DMD: variants seen among roughly 807,000 people sequenced by gnomAD.
DMD encodes mutant dystrophin.
Under a neutral mutation model 330.1 loss-of-function variants are expected in DMD, and 63 were observed. The observed-to-expected ratio is 0.19, with a 90% confidence interval of 0.16 to 0.24. The LOEUF (loss-of-function observed/expected upper bound fraction) is 0.24. Among genes scored for constraint, DMD ranks in the 10% least tolerant of loss-of-function variants. The pLI is 1.00. For synonymous variants in DMD, 1,223 were observed against 959.8 expected, an observed-to-expected ratio of 1.27 and a Z score of -5.07; for missense variants, 3,344 against 2,684.1, an observed-to-expected ratio of 1.25 and a Z score of -5.43.
intron 67 of DMD, among the ~76,000 whole-genome samples, chrX:31,192,755 A>T (rs1226811807): frequency 8.9e-6 from 1 of 112,041 alleles, no homozygotes; most frequent in Admixed American, 9.5e-5. Context: ...TAATACTGAA[A>T]TATATGCTTA....
intron 7 of DMD, among the ~76,000 whole-genome samples, chrX:32,724,223 A>C (rs1489922386): frequency 1.8e-5 from 2 of 111,804 alleles, no homozygotes; most frequent in African/African-American, 6.5e-5. Flanking sequence ...AAGTAATAAT[A>C]AACTCTAAAT....
In DMD at chrX:31,478,199, G is replaced by A. The variant is rs2149253053; in HGVS notation, c.8844C>T (p.Leu2948=). 8.3e-7 allele frequency: 1 copy of A among 1,211,479 alleles called. No individual in the cohort carries two copies. Among genetic ancestry groups the A allele is most frequent in the East Asian group, 3.0e-5 (1 of 33,820 alleles). The change falls in exon 59 of 79, where the codon CTC becomes CTT. Residue 2948 remains leucine, a synonymous_variant. Transcript: ENST00000357033. ...ELQEATDELD[L]KLRQAEVIKG... ...TGATCACCTCAGCTTGGCGCAGCTT[G>A]AGGTCCAGCTCATCCGTGGCCTCTT...
At chrX:32,697,662 A>G (rs2063756628) in intron 9 of DMD, among the ~76,000 whole-genome samples, 1 of 112,016 alleles carries the variant, frequency 8.9e-6, no homozygotes, top group Non-Finnish European at 1.9e-5. Flanking sequence ...GGGAATTCAT[A>G]TTTATGAAGA....
chrX:32,046,630 C>G (rs1280848206), intron 44 of DMD, among the ~76,000 whole-genome samples: 3 of 111,827 alleles, frequency 2.7e-5, no homozygotes, highest in Non-Finnish European at 5.7e-5. Flanking sequence ...AAAATAAAAT[C>G]CCAAGGCTTG....
At chrX:32,391,205 G>C (rs980175588) in intron 30 of DMD, among the ~76,000 whole-genome samples, 1 of 111,338 alleles carries the variant, frequency 9.0e-6, no homozygotes. Flanking sequence ...GTCATTATTA[G>C]ATTATTATAA....
At chrX:32,815,353 T>TA (rs2077650835) in intron 6 of DMD, among the ~76,000 whole-genome samples, 1 of 105,780 alleles carries the variant, frequency 9.5e-6, no homozygotes, top group East Asian at 2.9e-4. Context: ...GCACTGAAAA[T>TA]TAGGCAAGAT....
rs756802320 is a variant in DMD, at chrX:32,107,368, GTGTGTC to G, written c.6438+109542_6438+109547del. Among the ~76,000 whole-genome samples, 205 of 90,853 alleles carry G rather than the reference GTGTGTC, an allele frequency of 2.3e-3. 1 individual carries two copies. The highest frequency in any genetic ancestry group is 9.7e-3 in the African/African-American group (180 of 18,528). 78.9% of individuals were successfully genotyped at this position (90,853 alleles called of 115,157 possible). On this transcript the variant is annotated intron_variant, in intron 44 of 78. Transcript: ENST00000357033. The stretch of plus-strand genomic sequence containing the variant: ...TGTGTGTGTGTGTGTGTGTGTGTGT[GTGTGTC>G]TCTGTGTGTGTTTGTATGTGGTAAG...
chrX:32,958,385 A>T (rs893236010), intron 2 of DMD, among the ~76,000 whole-genome samples: 4 of 111,474 alleles, frequency 3.6e-5, no homozygotes, highest in African/African-American at 1.3e-4. Flanking sequence ...CCTTATTTCT[A>T]TTGAAAATCT....
At chrX:31,702,664 GC>G (rs1321756163) in intron 52 of DMD, among the ~76,000 whole-genome samples, 1 of 110,765 alleles carries the variant, frequency 9.0e-6, no homozygotes, top group Admixed American at 9.6e-5. Flanking sequence ...CAAGAGGGCT[GC>G]TTTAAAAACT....
At chrX:32,335,637 AT>A (rs1158259124) in intron 41 of DMD, among the ~76,000 whole-genome samples, 1 of 104,253 alleles carries the variant, frequency 9.6e-6, no homozygotes, top group Non-Finnish European at 2.0e-5. Flanking sequence ...TACATAACAT[AT>A]ACATAACATG....
chrX:31,444,555 T>C lies in DMD; in HGVS notation c.9010A>G (p.Thr3004Ala). 8.3e-7 allele frequency: 1 copy of C among 1,211,630 alleles called. No individual in the cohort carries two copies. The highest frequency in any genetic ancestry group is 1.1e-6 in the Non-Finnish European group (1 of 895,448). The stretch of plus-strand genomic sequence containing the variant: ...TACGGTGAGAGCTGAATGCCCAAAG[T>C]GGTAAGCTGGCGAGCAAGGTCATTG... The part of the protein sequence containing the change: ...HVNDLARQLT[T>A]LGIQLSPYNL... Residue 3004 changes from threonine to alanine, a missense_variant, in exon 60 of 79, where the codon ACT becomes GCT. By Grantham distance (58) the Thr-to-Ala change is moderately conservative. Coordinates refer to ENST00000357033, the MANE Select transcript of DMD (RefSeq NM_004006.3).
chrX:32,961,174 TTTG>T (rs1419507926), intron 2 of DMD, among the ~76,000 whole-genome samples: 1 of 111,391 alleles, frequency 9.0e-6, no homozygotes, highest in Non-Finnish European at 1.9e-5. Flanking sequence ...GTTTCTGGCT[TTTG>T]TTGTTATTAT....
chrX:33,132,864 A>T (rs1490760275), intron 1 of DMD, among the ~76,000 whole-genome samples: 1 of 111,632 alleles, frequency 9.0e-6, no homozygotes, highest in African/African-American at 3.3e-5. Context: ...TCCTGAGGCT[A>T]TTGTTAGTTT....
At chrX:31,758,768 ATTTGT>A (rs894645733) in intron 51 of DMD, among the ~76,000 whole-genome samples, 4 of 111,987 alleles carry the variant, frequency 3.6e-5, no homozygotes, top group African/African-American at 1.3e-4. Flanking sequence ...TAAAATTCAT[ATTTGT>A]TTTAAGGATG....
intron 72 of DMD, among the ~76,000 whole-genome samples, chrX:31,172,980 A>G (rs1162041440): frequency 8.9e-6 from 1 of 111,891 alleles, no homozygotes; most frequent in Non-Finnish European, 1.9e-5. Flanking sequence ...TTTTACAACT[A>G]AAAAAGTTAA....
At chrX:32,532,777 G>C (rs2047602357) in intron 17 of DMD, among the ~76,000 whole-genome samples, 1 of 111,826 alleles carries the variant, frequency 8.9e-6, no homozygotes, top group Admixed American at 9.5e-5. Context: ...GACTGATAAA[G>C]TAAAAGCCAC....
chrX:31,557,591 T>C (rs1262387898), intron 55 of DMD, among the ~76,000 whole-genome samples: 1 of 112,195 alleles, frequency 8.9e-6, no homozygotes, highest in African/African-American at 3.2e-5. Flanking sequence ...ATCTAGCAAT[T>C]AGTACATTGT....
At chrX:31,397,251 T>C (rs5927747) in intron 60 of DMD, among the ~76,000 whole-genome samples, 2,240 of 112,204 alleles carry the variant, frequency 0.02, 20 homozygotes, top group Non-Finnish European at 0.032. Flanking sequence ...TGATTACTCA[T>C]GTTTTAATTT....
chrX:32,365,409 GTCT>G (rs2097851113), intron 34 of DMD, among the ~76,000 whole-genome samples: 1 of 110,871 alleles, frequency 9.0e-6, no homozygotes, highest in African/African-American at 3.3e-5. Flanking sequence ...CATAATTCAT[GTCT>G]TATTTTTCAT....
Sources: gnomAD v4.1 joint callset for allele counts (sites outside exome capture counted in the v4.1 genomes callset) on GRCh38, gnomAD v4.1.1 for gene constraint, MANE v1.5 for transcripts, NCBI Gene and HGNC (gene_info 2026-07-23, HGNC 2026-07-21) for gene names.